ZFAT: variants seen among roughly 807,000 people sequenced by gnomAD.
ZFAT encodes zinc finger protein ZFAT.
Under a neutral mutation model 117.7 loss-of-function variants are expected in ZFAT, and 64 were observed. The observed-to-expected ratio is 0.54, with a 90% confidence interval of 0.44 to 0.67. The LOEUF (loss-of-function observed/expected upper bound fraction) is 0.67, where lower values mean the gene tolerates loss of function less well. ZFAT is among the 30% of genes least tolerant of loss of function. The pLI, the probability that ZFAT is intolerant of heterozygous loss-of-function variation, is 0.00. For synonymous variants in ZFAT, 679 were observed against 615.0 expected (o/e 1.10, Z -1.54); for missense variants, 1,433 against 1,584.5 (o/e 0.90, Z 1.62).
Position 134,680,271 on chromosome 8 carries a change from A to AG in ZFAT, c.20-22535_20-22534insC, listed in dbSNP as rs1392446813. ...AGCCAGACTCCCCCTCAAAAAAAAA[A>AG]AAAAAAAAAAGAATTTGAAGCAAAG... is the stretch of plus-strand genomic sequence containing the variant. On this transcript the variant is annotated intron_variant, in intron 1 of 15. Coordinates refer to ENST00000377838, the MANE Select transcript of ZFAT (RefSeq NM_020863.4). Among the ~76,000 whole-genome samples the AG allele has an allele frequency of 2.0e-5, 3 of 151,804 alleles. No individual in the cohort carries two copies. In the East Asian group the frequency reaches 5.8e-4, roughly 29 times the overall value.
At chr8:134,496,218 ATCTTCC>A (rs1818425212) in intron 15 of ZFAT, among the ~76,000 whole-genome samples, 3 of 152,254 alleles carry the variant, frequency 2.0e-5, no homozygotes, top group Non-Finnish European at 4.4e-5. Context: ...AAGTTCCATG[ATCTTCC>A]CATTATACAG....
intron 10 of ZFAT, among the ~76,000 whole-genome samples, chr8:134,583,168 G>C (rs1825825991): frequency 6.6e-6 from 1 of 151,770 alleles, no homozygotes; most frequent in African/African-American, 2.4e-5. Flanking sequence ...CTCCATCACT[G>C]CACTTACCTT....
upstream of ZFAT, among the ~76,000 whole-genome samples, chr8:134,713,766 C>T (rs896152294): frequency 6.6e-6 from 1 of 152,076 alleles, no homozygotes; most frequent in African/African-American, 2.4e-5. Context: ...TAGTCCTCGG[C>T]TCAAATGATA....
At chr8:134,637,079 C>G (rs147047321) in intron 3 of ZFAT, among the ~76,000 whole-genome samples, 12 of 152,368 alleles carry the variant, frequency 7.9e-5, no homozygotes, top group Non-Finnish European at 1.6e-4. Context: ...CAGATTCACT[C>G]CTGACTTTCC....
chr8:134,722,608 T>C, the ZFAT span, among the ~76,000 whole-genome samples: 1 of 152,128 alleles, frequency 6.6e-6, no homozygotes, highest in African/African-American at 2.4e-5. Context: ...AAGCACATGC[T>C]GAGAGCCCAC....
the ZFAT span, chr8:134,785,584 G>C: frequency 6.7e-6 from 1 of 149,180 alleles, no homozygotes. Context: ...TTCACATACA[G>C]ACATGCAATT....
intron 1 of ZFAT, among the ~76,000 whole-genome samples, chr8:134,668,387 T>C (rs1387773103): frequency 2.6e-5 from 4 of 152,196 alleles, no homozygotes; most frequent in East Asian, 3.9e-4. Flanking sequence ...CATAGCTGGG[T>C]ACTCCTCTGA....
the ZFAT span, among the ~76,000 whole-genome samples, chr8:134,731,524 C>T: frequency 6.6e-6 from 1 of 152,154 alleles, no homozygotes; most frequent in Non-Finnish European, 1.5e-5. Context: ...CAGCCATAGA[C>T]ATAGACATAT....
At chr8:134,763,468 A>G in the ZFAT span, among the ~76,000 whole-genome samples, 4 of 152,188 alleles carry the variant, frequency 2.6e-5, no homozygotes, top group Admixed American at 2.6e-4. Flanking sequence ...CTTCTTAAAG[A>G]CATACACTTG....
intron 1 of ZFAT, among the ~76,000 whole-genome samples, chr8:134,678,587 A>T (rs979059779): frequency 7.2e-5 from 11 of 152,230 alleles, no homozygotes; most frequent in Non-Finnish European, 1.3e-4. Flanking sequence ...AAACTACTTT[A>T]AATTTCATAT....
chr8:134,607,258 A>G (rs1827957086), intron 5 of ZFAT, among the ~76,000 whole-genome samples: 1 of 152,238 alleles, frequency 6.6e-6, no homozygotes, highest in African/African-American at 2.4e-5. Flanking sequence ...TCTATTATGA[A>G]TTCACCAAAG....
chr8:134,553,147 G>A (rs1207887616), intron 11 of ZFAT, among the ~76,000 whole-genome samples: 1 of 152,220 alleles, frequency 6.6e-6, no homozygotes, highest in Non-Finnish European at 1.5e-5. Context: ...GGGCCACTGA[G>A]GAGAGAGACA....
intron 1 of ZFAT, among the ~76,000 whole-genome samples, chr8:134,665,610 T>C (rs540035221): frequency 6.6e-6 from 1 of 152,308 alleles, no homozygotes; most frequent in South Asian, 2.1e-4. Context: ...AAGTACATGC[T>C]CATGGTAACA....
chr8:134,531,385 A>C (rs1309875757), intron 12 of ZFAT, among the ~76,000 whole-genome samples: 1 of 152,198 alleles, frequency 6.6e-6, no homozygotes, highest in African/African-American at 2.4e-5. Context: ...CCCCTCTGTG[A>C]TTCCTGGACA....
At position 134,602,913 on chromosome 8, in the gene ZFAT, T is replaced by C. The variant is rs760970627; in HGVS notation, c.806A>G (p.Lys269Arg). The change falls in exon 6 of 16, where the codon AAA becomes AGA. Residue 269 changes from lysine (K) to arginine (R), a missense_variant. By Grantham distance (26) the Lys-to-Arg change is conservative (BLOSUM62 2). Transcript: ENST00000377838. ...GTTGCAGTATTCACAAGTGAAGATTTTGAGCTGAGTGGGACCTAGCCTAGA... is the reference window on the plus strand; with the variant it reads ...GTTGCAGTATTCACAAGTGAAGATTCTGAGCTGAGTGGGACCTAGCCTAGA... ...KSSRLGPTQL[K>R]IFTCEYCNKV... 4.8e-5 allele frequency: 78 copies of C among 1,610,918 alleles called. 1 individual carries two copies. Among genetic ancestry groups the C allele is most frequent in the East Asian group, 6.7e-5 (3 of 44,894 alleles).
chr8:134,829,034 A>C, the ZFAT span, among the ~76,000 whole-genome samples: 1 of 152,230 alleles, frequency 6.6e-6, no homozygotes, highest in Non-Finnish European at 1.5e-5. Context: ...CCACTGTCCT[A>C]GTGAGAGTGT....
rs531344003 is a variant in ZFAT, at chr8:134,684,520, A to G, written c.20-26783T>C. Among the ~76,000 whole-genome samples, 12 of 152,178 alleles carry G rather than the reference A, an allele frequency of 7.9e-5. No individual in the cohort carries two copies. In the South Asian group the frequency reaches 2.5e-3, roughly 32 times the overall value. On this transcript the variant is annotated intron_variant, in intron 1 of 15. Coordinates refer to ENST00000377838, the MANE Select transcript of ZFAT (RefSeq NM_020863.4). ...CGAGATCAAGGCCAGGGCTGCCCACACCATAGGGACACGCCAGCTCTAGAC... is the reference window on the plus strand; with the variant it reads ...CGAGATCAAGGCCAGGGCTGCCCACGCCATAGGGACACGCCAGCTCTAGAC...
intron 1 of ZFAT, among the ~76,000 whole-genome samples, chr8:134,679,316 C>T (rs529054762): frequency 6.6e-6 from 1 of 152,196 alleles, no homozygotes; most frequent in African/African-American, 2.4e-5. Flanking sequence ...GACATTCATG[C>T]AGCCAACAAA....
At chr8:134,567,029 A>G (rs918182540) in intron 10 of ZFAT, among the ~76,000 whole-genome samples, 1 of 152,144 alleles carries the variant, frequency 6.6e-6, no homozygotes. Flanking sequence ...AACTGACCCT[A>G]ACTGACCCCT....
Sources: allele counts gnomAD v4.1 joint callset (sites outside exome capture counted in the v4.1 genomes callset), GRCh38; gene constraint gnomAD v4.1.1; transcripts MANE v1.5; gene names NCBI Gene and HGNC (gene_info 2026-07-23, HGNC 2026-07-21).